TMC1: variants seen among roughly 807,000 people sequenced by gnomAD.
TMC1 encodes the protein transmembrane channel-like protein 1.
In TMC1, 84 loss-of-function variants were observed where a neutral mutation model predicts 105.8. The ratio of observed to expected loss-of-function variants is 0.79; its 90% CI spans 0.67 to 0.95. The LOEUF is 0.95. TMC1 is among the 40% of genes least tolerant of loss of function. TMC1 has a pLI of 0.00. For missense variants in TMC1, 817 were observed against 914.1 expected, an observed-to-expected ratio of 0.89 and a Z score of 1.37; for synonymous variants, 315 against 311.5, an observed-to-expected ratio of 1.01 and a Z score of -0.12.
chr9:72,809,776 G>A (rs1208730454), intron 18 of TMC1, among the ~76,000 whole-genome samples: 2 of 152,200 alleles, frequency 1.3e-5, no homozygotes, highest in Admixed American at 1.3e-4. Context: ...CATTAAATCT[G>A]TATTCCCACT....
At chr9:72,705,179 C>T (rs1007631414) in intron 8 of TMC1, among the ~76,000 whole-genome samples, 4 of 152,070 alleles carry the variant, frequency 2.6e-5, no homozygotes, top group Non-Finnish European at 5.9e-5. Flanking sequence ...AAATAAAATA[C>T]CCAGGTAGAA....
rs115308746 is a variant in TMC1, at chr9:72,622,102, C to T, written c.-196+5625C>T. 4.2e-3 allele frequency among the ~76,000 whole-genome samples: 639 copies of T among 152,244 alleles called. 5 individuals are homozygous for T. The highest frequency in any genetic ancestry group is 0.015 in the African/African-American group (613 of 41,548). On this transcript the variant is annotated intron_variant, in intron 3 of 23. Coordinates refer to ENST00000297784, the MANE Select transcript of TMC1 (RefSeq NM_138691.3). ...TATTCAACTTTGTCAATTGAGGGCA[C>T]TGGAGAGACCCTGCAATGGAATAGA... is the stretch of plus-strand genomic sequence containing the variant.
At chr9:72,655,631 A>T (rs1339911640) in intron 5 of TMC1, among the ~76,000 whole-genome samples, 2 of 151,976 alleles carry the variant, frequency 1.3e-5, no homozygotes, top group Admixed American at 6.6e-5. Flanking sequence ...AGTCCCAGCT[A>T]CTTGTAAGGC....
In TMC1 at chr9:72,695,552, G is replaced by A. The variant is rs527422444; in HGVS notation, c.236+838G>A. Among the ~76,000 whole-genome samples the A allele has an allele frequency of 2.4e-4, 37 of 152,180 alleles. No individual in the cohort carries two copies. The South Asian group carries it at 5.6e-3, about 23-fold the overall frequency. On this transcript the variant is annotated intron_variant, in intron 7 of 23. Transcript: ENST00000297784. ...CACAGGTAATAGGGCCATGCGAGTC[G>A]CCATCAGGTGGTGGAATCTCCTCCA...
chr9:72,700,644 G>C lies in TMC1; in HGVS notation c.362+1G>C. 1 of 1,579,830 alleles carries C rather than the reference G, an allele frequency of 6.3e-7. No homozygotes were observed. Among genetic ancestry groups the C allele is most frequent in the Non-Finnish European group, 8.6e-7 (1 of 1,157,898 alleles). On this transcript the variant is annotated splice_donor_variant, in intron 8 of 23. Coordinates refer to ENST00000297784, the MANE Select transcript of TMC1 (RefSeq NM_138691.3). LOFTEE classifies it high-confidence loss of function. ...TGGAGAAGAAAATTGAAGTTCTCAA[G>C]TATGGTGCCACTTTTTATAAGTAGA...
intron 8 of TMC1, among the ~76,000 whole-genome samples, chr9:72,737,443 A>C (rs931791713): frequency 6.6e-6 from 1 of 152,170 alleles, no homozygotes; most frequent in South Asian, 2.1e-4. Flanking sequence ...TTTTCTGGGA[A>C]ATCTTGACCT....
intron 8 of TMC1, among the ~76,000 whole-genome samples, chr9:72,702,577 A>G (rs1826662438): frequency 6.6e-6 from 1 of 151,994 alleles, no homozygotes; most frequent in Admixed American, 6.6e-5. Flanking sequence ...TTGATGCCCA[A>G]TTCCTGAAGG....
At chr9:72,603,318 G>T (rs1198003199) in intron 2 of TMC1, among the ~76,000 whole-genome samples, 3 of 151,366 alleles carry the variant, frequency 2.0e-5, no homozygotes, top group African/African-American at 7.3e-5. Flanking sequence ...TGCCTATTCT[G>T]CTCTCCCTAC....
At chr9:72,819,361 T>C (rs1032819689) in intron 19 of TMC1, among the ~76,000 whole-genome samples, 2 of 152,370 alleles carry the variant, frequency 1.3e-5, no homozygotes, top group South Asian at 2.1e-4. Flanking sequence ...TGTATTGGTA[T>C]TGGGGAGTAT....
intron 1 of TMC1, among the ~76,000 whole-genome samples, chr9:72,575,255 A>C (rs1050375978): frequency 3.3e-5 from 5 of 151,968 alleles, no homozygotes; most frequent in African/African-American, 9.7e-5. Flanking sequence ...ATCTCGGCTC[A>C]CTGCAACCTC....
chr9:72,789,364 T>A, intron 15 of TMC1, 47 bp downstream of exon 15: 2 of 1,579,700 alleles, frequency 1.3e-6, no homozygotes, highest in South Asian at 2.2e-5. Context: ...GACATTTGTT[T>A]CTTTTGTGGG....
chr9:72,737,813 T>G (rs926107372), intron 8 of TMC1, among the ~76,000 whole-genome samples: 2 of 152,254 alleles, frequency 1.3e-5, no homozygotes, highest in African/African-American at 4.8e-5. Flanking sequence ...TTTTTGCCAT[T>G]GCTTTATTGG....
intron 17 of TMC1, among the ~76,000 whole-genome samples, chr9:72,794,327 A>T (rs183145071): frequency 6.6e-6 from 1 of 152,278 alleles, no homozygotes; most frequent in Admixed American, 6.5e-5. Flanking sequence ...AGGAGTGCCA[A>T]GCCGTAATCT....
rs140146470 is a variant in TMC1, at chr9:72,798,095, G to A, written c.1566+5743G>A. 5.3e-4 allele frequency among the ~76,000 whole-genome samples: 80 copies of A among 152,092 alleles called. 2 individuals are homozygous for A. Among genetic ancestry groups the A allele is most frequent in the African/African-American group, 1.2e-3 (51 of 41,502 alleles). On this transcript the variant is annotated intron_variant, in intron 17 of 23. Coordinates refer to ENST00000297784, the MANE Select transcript of TMC1 (RefSeq NM_138691.3). ...ACTTCTCAAAAGAAGACATACATGC[G>A]GCAAACAAGCATGTGAAATAAAACT...
intron 17 of TMC1, among the ~76,000 whole-genome samples, chr9:72,803,270 A>G (rs1482213937): frequency 6.6e-6 from 1 of 152,254 alleles, no homozygotes; most frequent in Non-Finnish European, 1.5e-5. Context: ...AGCCAAAACT[A>G]TAAAAACCAT....
At chr9:72,544,934 A>G (rs1284032499) in intron 1 of TMC1, among the ~76,000 whole-genome samples, 1 of 149,426 alleles carries the variant, frequency 6.7e-6, no homozygotes, top group Non-Finnish European at 1.5e-5. Flanking sequence ...TTTATCCTTC[A>G]CCCCCCCAAG....
chr9:72,587,794 T>A (rs1296200753), intron 2 of TMC1, among the ~76,000 whole-genome samples: 1 of 151,818 alleles, frequency 6.6e-6, no homozygotes, highest in Non-Finnish European at 1.5e-5. Flanking sequence ...TTAATTTTTT[T>A]TTTTTTTTTG....
Position 72,592,979 on chromosome 9 carries a change from C to G in TMC1, c.-306+14956C>G, listed in dbSNP as rs1304138376. ...TACAACAACTATTATCTTGACTAGG[C>G]TCAGGGCTGTTAAAACAGTATTGCT... On this transcript the variant is annotated intron_variant, in intron 2 of 23. Transcript: ENST00000297784. 2.0e-5 allele frequency among the ~76,000 whole-genome samples: 3 copies of G among 152,268 alleles called. No individual in the cohort carries two copies. In the East Asian group the frequency reaches 5.8e-4, roughly 29 times the overall value.
At chr9:72,608,702 CA>C (rs10548842) in intron 2 of TMC1, among the ~76,000 whole-genome samples, 380 of 122,716 alleles carry the variant, frequency 3.1e-3, no homozygotes, top group African/African-American at 5.5e-3. Flanking sequence ...GACTTCATCT[CA>C]AAAAAAAAAA....
Sources: gnomAD v4.1 joint callset for allele counts (sites outside exome capture counted in the v4.1 genomes callset) on GRCh38, gnomAD v4.1.1 for gene constraint, MANE v1.5 for transcripts, NCBI Gene and HGNC (gene_info 2026-07-23, HGNC 2026-07-21) for gene names.